FSTL5: variants seen among roughly 807,000 people sequenced by gnomAD.
FSTL5 encodes follistatin-related protein 5.
FSTL5 carries 62 observed loss-of-function variants against 89.1 expected under a neutral mutation model. The observed-to-expected ratio is 0.70, with a 90% CI of 0.57 to 0.86. The LOEUF (loss-of-function observed/expected upper bound fraction) is 0.86, where lower values mean the gene tolerates loss of function less well. Among genes scored for constraint, FSTL5 ranks in the 40% least tolerant of loss-of-function variants. The pLI, the probability that FSTL5 is intolerant of heterozygous loss-of-function variation, is 0.00. For synonymous variants in FSTL5, 383 were observed against 346.2 expected (o/e 1.11, Z -1.18); for missense variants, 1,057 against 1,001.6 (o/e 1.06, Z -0.75).
At chr4:161,544,573 T>C (rs1275844009) in intron 8 of FSTL5, among the ~76,000 whole-genome samples, 2 of 151,972 alleles carry the variant, frequency 1.3e-5, no homozygotes, top group Non-Finnish European at 2.9e-5. Flanking sequence ...TTACACAACA[T>C]TGTAAATATG....
chr4:161,636,559 G>C lies in FSTL5; in HGVS notation c.894+19769C>G, dbSNP rs182114716. ...CATGTGCCATGCTGGTGCGCTGCAC[G>C]CACTAACTCGTCATCTAGCATTAGG... On this transcript the variant is annotated intron_variant, in intron 7 of 15. Coordinates refer to ENST00000306100, the MANE Select transcript of FSTL5 (RefSeq NM_020116.5). Among the ~76,000 whole-genome samples the C allele has an allele frequency of 7.3e-3, 1,075 of 147,728 alleles. 12 individuals are homozygous for C. Among genetic ancestry groups the C allele is most frequent in the African/African-American group, 0.026 (1,027 of 39,902 alleles).
intron 6 of FSTL5, among the ~76,000 whole-genome samples, chr4:161,717,598 G>A (rs2126746731): frequency 6.6e-6 from 1 of 152,276 alleles, no homozygotes; most frequent in African/African-American, 2.4e-5. Context: ...TTTGAATTCT[G>A]CAAAAGAGTC....
intron 3 of FSTL5, among the ~76,000 whole-genome samples, chr4:162,006,217 C>T (rs1398728814): frequency 6.6e-6 from 1 of 151,850 alleles, no homozygotes; most frequent in Non-Finnish European, 1.5e-5. Context: ...GATTCTTACC[C>T]TTTTATTACA....
At chr4:162,110,170 A>G (rs968337656) in intron 2 of FSTL5, among the ~76,000 whole-genome samples, 6 of 152,054 alleles carry the variant, frequency 3.9e-5, no homozygotes, top group Non-Finnish European at 5.9e-5. Flanking sequence ...TGACTATCGA[A>G]TCTATCCTTC....
rs906955019 is a variant in FSTL5 at position 161,459,199 on chromosome 4, G to A, written c.1716+13C>T. On this transcript the variant is annotated intron_variant, in intron 14 of 15. Coordinates refer to ENST00000306100, the MANE Select transcript of FSTL5 (RefSeq NM_020116.5). ...AGATTGTTATTTTCTCTAATATACT[G>A]AAATGTACTTACCTGTAGTGTTGGT... is the stretch of plus-strand genomic sequence containing the variant. The A allele has an allele frequency of 5.0e-6, 7 of 1,387,116 alleles. No individual in the cohort carries two copies. The highest frequency in any genetic ancestry group is 7.2e-6 in the Non-Finnish European group (7 of 973,880). 85.9% of individuals were successfully genotyped at this position (1,387,116 alleles called of 1,614,324 possible). A position where few individuals can be genotyped will look rare whatever the true frequency, so the allele number is the denominator to read the frequency against.
intron 4 of FSTL5, among the ~76,000 whole-genome samples, chr4:161,846,303 A>C (rs1731367373): frequency 6.6e-6 from 1 of 152,114 alleles, no homozygotes; most frequent in African/African-American, 2.4e-5. Context: ...ATTTTACCAT[A>C]TATTAAAATT....
intron 4 of FSTL5, among the ~76,000 whole-genome samples, chr4:161,914,135 G>A (rs936719904): frequency 1.3e-5 from 2 of 152,086 alleles, no homozygotes; most frequent in Non-Finnish European, 2.9e-5. Context: ...GAGAGACAAA[G>A]TAGAAGAAAA....
chr4:161,517,369 C>T (rs542724522), intron 10 of FSTL5, among the ~76,000 whole-genome samples: 1 of 152,258 alleles, frequency 6.6e-6, no homozygotes, highest in Admixed American at 6.5e-5. Context: ...AAGTTATAAA[C>T]CACTTAATTT....
chr4:162,023,183 G>C (rs1905363), intron 3 of FSTL5, among the ~76,000 whole-genome samples: 1 of 151,890 alleles, frequency 6.6e-6, no homozygotes, highest in Non-Finnish European at 1.5e-5. Context: ...AGGGACTATC[G>C]TGTGGTATGG....
chr4:161,414,184 A>G (rs770786797), intron 15 of FSTL5, among the ~76,000 whole-genome samples: 11 of 152,256 alleles, frequency 7.2e-5, no homozygotes, highest in Non-Finnish European at 1.2e-4. Flanking sequence ...TTAAGCTAAA[A>G]GTAATTCATA....
chr4:161,917,357 C>T (rs535100648), intron 4 of FSTL5, among the ~76,000 whole-genome samples: 19 of 152,282 alleles, frequency 1.2e-4, no homozygotes, highest in African/African-American at 4.6e-4. Flanking sequence ...ATCTTGCTTT[C>T]TTTAAAAGCT....
intron 3 of FSTL5, among the ~76,000 whole-genome samples, chr4:161,923,230 C>T (rs1734039709): frequency 6.6e-6 from 1 of 151,690 alleles, no homozygotes; most frequent in South Asian, 2.1e-4. Context: ...TCTTTTGGTC[C>T]TGAGGGCTGC....
intron 14 of FSTL5, among the ~76,000 whole-genome samples, chr4:161,456,080 G>T (rs1228512442): frequency 6.6e-6 from 1 of 152,020 alleles, no homozygotes; most frequent in African/African-American, 2.4e-5. Context: ...AGTTCCATCG[G>T]AATCCCTCCT....
Position 161,779,775 on chromosome 4 carries a change from GTA to G in FSTL5, c.410-3703_410-3702del, listed in dbSNP as rs869254842. Reference sequence around the variant, plus strand: ...TTTGTAAAGTTATATATATATATATGTATATATATATATATATATATATATAT... The same window carrying G: ...TTTGTAAAGTTATATATATATATATGTATATATATATATATATATATATAT... On this transcript the variant is annotated intron_variant, in intron 4 of 15. Transcript: ENST00000306100. 5.6e-3 allele frequency among the ~76,000 whole-genome samples: 142 copies of G among 25,378 alleles called. 3 individuals carry two copies. The highest frequency in any genetic ancestry group is 0.023 in the African/African-American group (110 of 4,870). The allele number at this position is 25,378 out of a possible 152,430, so 16.6% of individuals were successfully genotyped here. A position where few individuals can be genotyped will look rare whatever the true frequency, so the allele number is the denominator to read the frequency against.
In FSTL5 at chr4:161,774,677, G is replaced by GA. The variant is rs35694830; in HGVS notation, c.606+1200dup. On this transcript the variant is annotated intron_variant, in intron 5 of 15. Transcript: ENST00000306100. ...GATAAAAATTAAAAGCATAAAAAGT[G>GA]AAAAAAAAACTCTCAAAATAACAAT... Among the ~76,000 whole-genome samples, 80 of 148,392 alleles carry GA rather than the reference G, an allele frequency of 5.4e-4. 1 individual carries two copies. Among genetic ancestry groups the GA allele is most frequent in the Admixed American group, 8.7e-4 (13 of 14,956 alleles).
At chr4:161,564,096 T>C (rs1381964160) in intron 8 of FSTL5, among the ~76,000 whole-genome samples, 2 of 151,858 alleles carry the variant, frequency 1.3e-5, no homozygotes, top group East Asian at 3.9e-4. Context: ...TTCTTCAGAG[T>C]GAATAATATA....
chr4:161,803,901 G>A (rs532096823), intron 4 of FSTL5, among the ~76,000 whole-genome samples: 18 of 151,992 alleles, frequency 1.2e-4, no homozygotes, highest in Non-Finnish European at 2.5e-4. Flanking sequence ...ACGCTGAGAT[G>A]CATTTTTCTT....
chr4:161,566,135 T>TATATACACACACACAC (rs1267325201), intron 8 of FSTL5, among the ~76,000 whole-genome samples: 1 of 55,148 alleles, frequency 1.8e-5, no homozygotes, highest in Admixed American at 2.1e-4. Flanking sequence ...TATATATATA[T>TATATACACACACACAC]ACACACACAC....
At chr4:161,461,132 A>C (rs910363881) in intron 13 of FSTL5, among the ~76,000 whole-genome samples, 4 of 151,832 alleles carry the variant, frequency 2.6e-5, no homozygotes, top group African/African-American at 9.7e-5. Context: ...TCTAGTTTCC[A>C]AAGTCATTTT....
Sources: gnomAD v4.1 joint callset for allele counts (sites outside exome capture counted in the v4.1 genomes callset) on GRCh38, gnomAD v4.1.1 for gene constraint, MANE v1.5 for transcripts, NCBI Gene and HGNC (gene_info 2026-07-23, HGNC 2026-07-21) for gene names.